RYK: variants seen among roughly 807,000 people sequenced by gnomAD.
The protein encoded by RYK is inactive tyrosine-protein kinase RYK.
Under a neutral mutation model 70.2 loss-of-function variants are expected in RYK, and 21 were observed. That is an observed-to-expected ratio of 0.30 (90% CI 0.21 to 0.43). The LOEUF (loss-of-function observed/expected upper bound fraction) is 0.43. Ranked by LOEUF, RYK falls within the 20% of genes least tolerant of loss-of-function variation. The pLI, the probability that RYK is intolerant of heterozygous loss-of-function variation, is 1.00. For missense variants in RYK, 604 were observed against 753.3 expected (o/e 0.80, Z 2.32); for synonymous variants, 267 against 278.0 (o/e 0.96, Z 0.39).
intron 2 of RYK, among the ~76,000 whole-genome samples, chr3:134,218,378 G>T (rs770572348): frequency 6.6e-6 from 1 of 152,172 alleles, no homozygotes; most frequent in African/African-American, 2.4e-5. Flanking sequence ...CAGCAAGTAG[G>T]AGGGAGAAAG....
At chr3:134,198,139 A>G (rs1001269332) in intron 6 of RYK, among the ~76,000 whole-genome samples, 22 of 152,266 alleles carry the variant, frequency 1.4e-4, no homozygotes, top group African/African-American at 3.6e-4. Flanking sequence ...ATTAAAATGT[A>G]TATTTGCTAG....
chr3:134,232,904 T>G (rs2015099196), intron 1 of RYK, among the ~76,000 whole-genome samples: 1 of 152,188 alleles, frequency 6.6e-6, no homozygotes, highest in East Asian at 1.9e-4. Flanking sequence ...AAGAAAAAGA[T>G]CCTCATTTAG....
chr3:134,215,867 G>A (rs945005780), intron 2 of RYK, among the ~76,000 whole-genome samples: 46 of 152,000 alleles, frequency 3.0e-4, no homozygotes, highest in Admixed American at 7.2e-4. Context: ...GTAAAACCCC[G>A]TCTCTACTAA....
chr3:134,177,720 A>G (rs1489587748), intron 11 of RYK, among the ~76,000 whole-genome samples: 1 of 152,228 alleles, frequency 6.6e-6, no homozygotes, highest in Non-Finnish European at 1.5e-5. Context: ...CAACGAGAAT[A>G]TAAGGAAAAC....
intron 1 of RYK, among the ~76,000 whole-genome samples, chr3:134,250,112 G>T (rs1257804944): frequency 6.6e-6 from 1 of 152,018 alleles, no homozygotes; most frequent in Non-Finnish European, 1.5e-5. Context: ...AAAAAAAGTT[G>T]TAAGGGTGAC....
intron 13 of RYK, among the ~76,000 whole-genome samples, chr3:134,165,709 T>C (rs1426428645): frequency 6.6e-6 from 1 of 152,236 alleles, no homozygotes; most frequent in African/African-American, 2.4e-5. Flanking sequence ...CCAAAGGGAA[T>C]TATTCTTGAG....
chr3:134,219,506 C>T (rs564423577), intron 2 of RYK, among the ~76,000 whole-genome samples: 1 of 152,290 alleles, frequency 6.6e-6, no homozygotes, highest in South Asian at 2.1e-4. Context: ...ACACTCTGTT[C>T]AAAGTCAATA....
intron 13 of RYK, among the ~76,000 whole-genome samples, chr3:134,174,271 G>A (rs2013023505): frequency 6.6e-6 from 1 of 152,146 alleles, no homozygotes; most frequent in Non-Finnish European, 1.5e-5. Flanking sequence ...TGAACCACGA[G>A]AGACTATATT....
intron 4 of RYK, among the ~76,000 whole-genome samples, chr3:134,209,340 C>T (rs1448769792): frequency 2.6e-5 from 4 of 152,324 alleles, no homozygotes; most frequent in South Asian, 2.1e-4. Flanking sequence ...GAGAGCAATG[C>T]TTCTGCATAA....
intron 1 of RYK, among the ~76,000 whole-genome samples, chr3:134,225,915 T>C (rs1326151728): frequency 2.0e-5 from 3 of 150,180 alleles, no homozygotes; most frequent in South Asian, 4.2e-4. Flanking sequence ...AGTGTGGACA[T>C]AGATGATTTG....
At chr3:134,172,506 CATT>C (rs987656220) in intron 13 of RYK, among the ~76,000 whole-genome samples, 2 of 152,288 alleles carry the variant, frequency 1.3e-5, no homozygotes, top group Admixed American at 6.5e-5. Context: ...AAACCAAAAA[CATT>C]ATCAAAGAGT....
intron 1 of RYK, among the ~76,000 whole-genome samples, chr3:134,236,811 G>C (rs1024419728): frequency 2.0e-5 from 3 of 152,140 alleles, no homozygotes; most frequent in Non-Finnish European, 4.4e-5. Context: ...CAAGAGACAA[G>C]GGGGCTGTGC....
At chr3:134,245,941 T>C (rs994297841) in intron 1 of RYK, among the ~76,000 whole-genome samples, 4 of 152,240 alleles carry the variant, frequency 2.6e-5, no homozygotes, top group African/African-American at 7.2e-5. Context: ...TTCTTCATTA[T>C]AGACAGTCAA....
Position 134,188,864 on chromosome 3 carries a change from TTTC to T in RYK, c.1072_1074del (p.Glu358del). 6.3e-7 allele frequency: 1 copy of T among 1,580,026 alleles called. No individual in the cohort carries two copies. Among genetic ancestry groups the T allele is most frequent in the Non-Finnish European group, 8.7e-7 (1 of 1,154,022 alleles). ...TTAACTGTTTTGACAAATGCTTGTT[TTTC>T]TTTATTTGGATCTTTTTCATCTATT... is the stretch of plus-strand genomic sequence containing the variant. On this transcript the variant is annotated inframe_deletion, in exon 9 of 15. Coordinates refer to ENST00000623711, the MANE Select transcript of RYK (RefSeq NM_002958.4).
chr3:134,236,252 G>A (rs2015198562), intron 1 of RYK, among the ~76,000 whole-genome samples: 1 of 152,082 alleles, frequency 6.6e-6, no homozygotes, highest in African/African-American at 2.4e-5. Flanking sequence ...ACACTGTAGT[G>A]GGCAAAACAA....
At chr3:134,184,236 G>A (rs556923211) in intron 9 of RYK, among the ~76,000 whole-genome samples, 1 of 152,224 alleles carries the variant, frequency 6.6e-6, no homozygotes, top group Non-Finnish European at 1.5e-5. Flanking sequence ...TAAACTCATG[G>A]TTTTTGGTCC....
At chr3:134,224,230 G>A (rs1191920737) in intron 1 of RYK, among the ~76,000 whole-genome samples, 4 of 152,180 alleles carry the variant, frequency 2.6e-5, no homozygotes, top group African/African-American at 9.7e-5. Context: ...ACAAGGCAAG[G>A]GGGCAGGGTA....
At chr3:134,160,496 A>T (rs1434812721) in intron 13 of RYK, among the ~76,000 whole-genome samples, 1 of 152,204 alleles carries the variant, frequency 6.6e-6, no homozygotes, top group African/African-American at 2.4e-5. Flanking sequence ...TTTTTTTAAA[A>T]GCCTTATAAT....
intron 13 of RYK, among the ~76,000 whole-genome samples, chr3:134,160,909 A>G (rs1286208555): frequency 6.6e-6 from 1 of 152,208 alleles, no homozygotes; most frequent in Non-Finnish European, 1.5e-5. Context: ...TAGAGCCAAA[A>G]TATACTTCAA....
Sources: allele counts gnomAD v4.1 joint callset (sites outside exome capture counted in the v4.1 genomes callset), GRCh38; gene constraint gnomAD v4.1.1; transcripts MANE v1.5; gene names NCBI Gene and HGNC (gene_info 2026-07-23, HGNC 2026-07-21).